Variants in GPRC5B observed in about 807,000 individuals in gnomAD.
GPRC5B encodes the protein G protein-coupled receptor family C group 5 member B.
Under a neutral mutation model 30.1 loss-of-function variants are expected in GPRC5B, and 16 were observed. The observed-to-expected ratio is 0.53, with a 90% CI of 0.36 to 0.81. The LOEUF (loss-of-function observed/expected upper bound fraction) is 0.81. Among genes scored for constraint, GPRC5B ranks in the 30% least tolerant of loss-of-function variants. The pLI is 0.01. For missense variants in GPRC5B, 428 were observed against 544.7 expected, an observed-to-expected ratio of 0.79 and a Z score of 2.13; for synonymous variants, 241 against 239.5, an observed-to-expected ratio of 1.01 and a Z score of -0.06.
intron 2 of GPRC5B, among the ~76,000 whole-genome samples, chr16:19,866,271 G>A (rs945981900): frequency 1.3e-5 from 2 of 152,096 alleles, no homozygotes; most frequent in Non-Finnish European, 2.9e-5. Context: ...TGGTTAAGAC[G>A]CACTCTGCCC....
chr16:19,881,601 G>A (rs2056807189), intron 1 of GPRC5B, among the ~76,000 whole-genome samples: 1 of 152,142 alleles, frequency 6.6e-6, no homozygotes, highest in African/African-American at 2.4e-5. Flanking sequence ...GGCCAACATG[G>A]TGAAACCCTG....
At chr16:19,864,911 A>ATTTT (rs1163249399) in intron 2 of GPRC5B, among the ~76,000 whole-genome samples, 12 of 126,054 alleles carry the variant, frequency 9.5e-5, no homozygotes, top group Non-Finnish European at 1.5e-4. Flanking sequence ...GCCCGGTCTC[A>ATTTT]TTTTTTTTTT....
At position 19,858,323 on chromosome 16, in the gene GPRC5B, G is replaced by A. The variant is rs2056589367; in HGVS notation, c.*2177C>T. On this transcript the variant is annotated 3_prime_UTR_variant, in exon 4 of 4. Transcript: ENST00000300571. ...GTGCGATAACATATCAGATTTAAAA[G>A]GGGGGAAAAAGGTCTCATTAAATGA... The A allele has an allele frequency of 2.3e-6, 1 of 443,116 alleles. No individual in the cohort carries two copies. The highest frequency in any genetic ancestry group is 3.4e-5 in the East Asian group (1 of 29,330). 27.4% of individuals were successfully genotyped at this position (443,116 alleles called of 1,614,324 possible). A position where few individuals can be genotyped will look rare whatever the true frequency, so the allele number is the denominator to read the frequency against.
chr16:19,880,730 C>T (rs558487011), intron 1 of GPRC5B, among the ~76,000 whole-genome samples: 1 of 152,346 alleles, frequency 6.6e-6, no homozygotes, highest in East Asian at 1.9e-4. Flanking sequence ...GAGTCAGACC[C>T]AGGACACCCA....
At chr16:19,879,669 C>T (rs1041267984) in intron 1 of GPRC5B, among the ~76,000 whole-genome samples, 2 of 152,150 alleles carry the variant, frequency 1.3e-5, no homozygotes, top group Non-Finnish European at 2.9e-5. Flanking sequence ...GATAATGTCC[C>T]CACACCACCT....
intron 1 of GPRC5B, among the ~76,000 whole-genome samples, chr16:19,883,376 C>T (rs1195781157): frequency 1.3e-5 from 2 of 152,222 alleles, no homozygotes; most frequent in African/African-American, 4.8e-5. Flanking sequence ...ACTCCACAGT[C>T]TTAGATACCA....
intron 2 of GPRC5B, among the ~76,000 whole-genome samples, chr16:19,862,969 T>C (rs996287196): frequency 2.0e-5 from 3 of 152,200 alleles, no homozygotes; most frequent in Non-Finnish European, 4.4e-5. Context: ...CAAGAGAGCT[T>C]GTTTTTGCTT....
At chr16:19,870,883 G>A (rs1339352936) in intron 2 of GPRC5B, among the ~76,000 whole-genome samples, 1 of 152,134 alleles carries the variant, frequency 6.6e-6, no homozygotes, top group Admixed American at 6.5e-5. Flanking sequence ...ATTGCAGCCT[G>A]GTGGAAATGT....
chr16:19,863,076 G>A (rs868740393), intron 2 of GPRC5B, among the ~76,000 whole-genome samples: 3 of 152,048 alleles, frequency 2.0e-5, no homozygotes, highest in African/African-American at 4.8e-5. Context: ...GCCAGGCACT[G>A]TGCAAAGTAC....
chr16:19,857,453 A>G lies in GPRC5B; in HGVS notation c.*3047T>C, dbSNP rs1036300537. The G allele has an allele frequency of 4.5e-6, 2 of 440,790 alleles. No homozygotes were observed. The highest frequency in any genetic ancestry group is 9.0e-6 in the Non-Finnish European group (2 of 223,374). The allele number at this position is 440,790 out of a possible 1,614,324, so 27.3% of individuals were successfully genotyped here. On this transcript the variant is annotated 3_prime_UTR_variant, in exon 4 of 4. Coordinates refer to ENST00000300571, the MANE Select transcript of GPRC5B (RefSeq NM_016235.3). ...AAATTTCTTTAACTTCTTTTTTATAAGTATGCAACAGTCAGCCGGGGGAAG... is the reference window on the plus strand; with the variant it reads ...AAATTTCTTTAACTTCTTTTTTATAGGTATGCAACAGTCAGCCGGGGGAAG...
intron 2 of GPRC5B, among the ~76,000 whole-genome samples, chr16:19,871,171 C>T (rs2056714489): frequency 6.7e-6 from 1 of 149,634 alleles, no homozygotes; most frequent in Non-Finnish European, 1.5e-5. Flanking sequence ...GCAGTTCCAG[C>T]TACTCAGGAG....
chr16:19,869,127 G>A (rs546620200), intron 2 of GPRC5B, among the ~76,000 whole-genome samples: 3 of 151,968 alleles, frequency 2.0e-5, no homozygotes, highest in Non-Finnish European at 4.4e-5. Flanking sequence ...TCAGGAGTTC[G>A]AGACCAGCCT....
At position 19,858,102 on chromosome 16, in the gene GPRC5B, G is replaced by T; in HGVS notation, c.*2398C>A. ...TTAAACAGAGGTGCCATTTAATTTT[G>T]TCTTTAAACCTTGCTCCACGGGGGG... is the stretch of plus-strand genomic sequence containing the variant. On this transcript the variant is annotated 3_prime_UTR_variant, in exon 4 of 4. Transcript: ENST00000300571. 4.8e-5 allele frequency: 8 copies of T among 167,634 alleles called. No homozygotes were observed. In the East Asian group the frequency reaches 6.4e-4, roughly 13 times the overall value. 10.4% of individuals were successfully genotyped at this position (167,634 alleles called of 1,614,324 possible).
intron 1 of GPRC5B, among the ~76,000 whole-genome samples, chr16:19,875,037 G>A (rs1014468366): frequency 3.9e-5 from 6 of 152,220 alleles, no homozygotes; most frequent in South Asian, 2.1e-4. Context: ...GCTCCAGTAC[G>A]TCCCTGGGGC....
chr16:19,881,116 C>T (rs1244266916), intron 1 of GPRC5B: 1 of 152,232 alleles, frequency 6.6e-6, no homozygotes, highest in Non-Finnish European at 1.5e-5. Flanking sequence ...GTTCACTCTC[C>T]CATCAGGCTG....
At chr16:19,878,229 A>C (rs1048425632) in intron 1 of GPRC5B, among the ~76,000 whole-genome samples, 3 of 147,422 alleles carry the variant, frequency 2.0e-5, no homozygotes, top group African/African-American at 7.6e-5. Flanking sequence ...ACAAACAAAA[A>C]AACCCAAAGT....
At chr16:19,885,229 C>G, upstream of GPRC5B, 1 of 1,288,678 alleles carries the variant, frequency 7.8e-7, no homozygotes, top group Non-Finnish European at 1.0e-6. This position sits in a 1 kb window ranked among gnomAD's most constrained non-coding sequence, Gnocchi z 5.3. Context: ...ACCCAGGGGT[C>G]CCAGCGCGGA....
Position 19,874,406 on chromosome 16 carries a change from A to G in GPRC5B, c.-1-1560T>C, listed in dbSNP as rs557350339. ...TCCTCTCCACCACAGCCTCTGGTCT[A>G]ATCACGTCTGTCATTTTTTGGCTGT... On this transcript the variant is annotated intron_variant, in intron 1 of 3. Coordinates refer to ENST00000300571, the MANE Select transcript of GPRC5B (RefSeq NM_016235.3). Among the ~76,000 whole-genome samples the G allele has an allele frequency of 2.6e-5, 4 of 152,264 alleles. No individual in the cohort carries two copies. The East Asian group carries it at 7.7e-4, about 29-fold the overall frequency.
intron 1 of GPRC5B, among the ~76,000 whole-genome samples, chr16:19,876,329 A>G (rs1346532305): frequency 6.6e-6 from 1 of 152,234 alleles, no homozygotes; most frequent in Non-Finnish European, 1.5e-5. Flanking sequence ...CAAACATCCT[A>G]CAATAGGACA....
Sources: gnomAD v4.1 joint callset for allele counts (sites outside exome capture counted in the v4.1 genomes callset) on GRCh38, gnomAD v4.1.1 for gene constraint, Gnocchi (gnomAD v3.1) non-coding constraint, MANE v1.5 for transcripts, NCBI Gene and HGNC (gene_info 2026-07-23, HGNC 2026-07-21) for gene names.